Variants in WDR41 observed in about 807,000 individuals in gnomAD.
WDR41 encodes the protein WD repeat-containing protein 41.
A neutral mutation model predicts 69.3 loss-of-function variants in WDR41; 63 were observed. The observed-to-expected ratio is 0.91, with a 90% CI of 0.74 to 1.12. The LOEUF (loss-of-function observed/expected upper bound fraction) is 1.12, where lower values mean the gene tolerates loss of function less well. Ranked by LOEUF, WDR41 falls within the 50% of genes most tolerant of loss-of-function variation. The pLI is 0.00. For missense variants in WDR41, 543 were observed against 534.5 expected (o/e 1.02, Z -0.16); for synonymous variants, 185 against 192.1 (o/e 0.96, Z 0.31).
chr5:77,432,987 T>C lies in WDR41; in HGVS notation c.*148A>G, dbSNP rs1798784502. On this transcript the variant is annotated 3_prime_UTR_variant, in exon 13 of 13. Transcript: ENST00000296679. ...TGAGAAGCAACATGTTCCTGGTTGGTAGGTCCACAAAAAATTTAAACATGT... is the reference window on the plus strand; with the variant it reads ...TGAGAAGCAACATGTTCCTGGTTGGCAGGTCCACAAAAAATTTAAACATGT... 1.3e-6 allele frequency: 1 copy of C among 777,446 alleles called. No homozygotes were observed. The highest frequency in any genetic ancestry group is 1.8e-5 in the African/African-American group (1 of 56,120). 48.2% of individuals were successfully genotyped at this position (777,446 alleles called of 1,614,324 possible).
intron 1 of WDR41, among the ~76,000 whole-genome samples, chr5:77,498,016 C>G (rs1318237326): frequency 6.6e-6 from 1 of 151,936 alleles, no homozygotes; most frequent in Non-Finnish European, 1.5e-5. Flanking sequence ...TGTATGATTC[C>G]ACTATTATGA....
At chr5:77,495,647 A>C (rs1237902054), upstream of WDR41, among the ~76,000 whole-genome samples, 1 of 152,072 alleles carries the variant, frequency 6.6e-6, no homozygotes, top group Non-Finnish European at 1.5e-5. Context: ...AAAAAAGTGA[A>C]GTCCTGGACC....
At chr5:77,490,898 CG>C (rs1244093445) in intron 1 of WDR41, among the ~76,000 whole-genome samples, 1 of 152,146 alleles carries the variant, frequency 6.6e-6, no homozygotes, top group African/African-American at 2.4e-5. Context: ...CAAAGACATG[CG>C]GAAGTTAAAA....
intron 1 of WDR41, among the ~76,000 whole-genome samples, chr5:77,501,894 G>A (rs1227400001): frequency 6.6e-6 from 1 of 152,158 alleles, no homozygotes; most frequent in Non-Finnish European, 1.5e-5. Flanking sequence ...AAGAGCAAAG[G>A]TAGATTAAAA....
At chr5:77,511,199 C>T (rs943800411) in intron 1 of WDR41, among the ~76,000 whole-genome samples, 1 of 152,166 alleles carries the variant, frequency 6.6e-6, no homozygotes, top group African/African-American at 2.4e-5. Flanking sequence ...TTAAAGCTTT[C>T]TCTTACTTTC....
At chr5:77,467,921 C>T (rs1417843182) in intron 2 of WDR41, among the ~76,000 whole-genome samples, 2 of 151,780 alleles carry the variant, frequency 1.3e-5, no homozygotes, top group Admixed American at 6.6e-5. Context: ...CAATTCTTAT[C>T]CATATACTTC....
At chr5:77,453,437 T>C (rs1331317942) in intron 6 of WDR41, among the ~76,000 whole-genome samples, 3 of 152,230 alleles carry the variant, frequency 2.0e-5, no homozygotes, top group Admixed American at 2.0e-4. Context: ...CTTGCACATG[T>C]ATGATCTTTT....
chr5:77,517,050 T>C (rs569070530), intron 1 of WDR41, among the ~76,000 whole-genome samples: 1 of 146,370 alleles, frequency 6.8e-6, no homozygotes, highest in Non-Finnish European at 1.5e-5. Context: ...AAAGAAAAAA[T>C]AAAATAAAAG....
At chr5:77,447,828 G>T (rs1224656080) in intron 8 of WDR41, among the ~76,000 whole-genome samples, 4 of 152,110 alleles carry the variant, frequency 2.6e-5, no homozygotes, top group Non-Finnish European at 5.9e-5. Flanking sequence ...CATGGCACAC[G>T]TATACCTATG....
chr5:77,437,728 C>A (rs1343396261), intron 10 of WDR41, among the ~76,000 whole-genome samples: 1 of 152,170 alleles, frequency 6.6e-6, no homozygotes, highest in African/African-American at 2.4e-5. Flanking sequence ...CTTCCCTCCT[C>A]TTGCTACCTC....
chr5:77,538,789 G>A (rs62362536), intron 1 of WDR41, among the ~76,000 whole-genome samples: 12 of 152,156 alleles, frequency 7.9e-5, no homozygotes, highest in South Asian at 2.1e-4. Context: ...CTATGTGCCC[G>A]TAATGAAATC....
intron 1 of WDR41, among the ~76,000 whole-genome samples, chr5:77,531,615 A>G (rs1290006436): frequency 3.3e-5 from 5 of 151,992 alleles, no homozygotes; most frequent in African/African-American, 1.2e-4. Context: ...TAGAATTACC[A>G]TATGCCCCCA....
chr5:77,610,629 C>A (rs528484391), intron 1 of WDR41, among the ~76,000 whole-genome samples: 2 of 152,200 alleles, frequency 1.3e-5, no homozygotes, highest in East Asian at 3.9e-4. Context: ...ACCACCAGGC[C>A]TGCCCTAAAA....
At chr5:77,520,071 C>T (rs908311735) in intron 1 of WDR41, among the ~76,000 whole-genome samples, 51 of 152,012 alleles carry the variant, frequency 3.4e-4, no homozygotes, top group African/African-American at 1.0e-3. Context: ...CAATTAGAGA[C>T]CTAACATTCA....
chr5:77,480,700 G>A (rs1387484558), intron 2 of WDR41, among the ~76,000 whole-genome samples: 1 of 151,116 alleles, frequency 6.6e-6, no homozygotes, highest in African/African-American at 2.4e-5. Context: ...GGGAGGGATA[G>A]CACTGGGAGA....
chr5:77,558,779 A>T (rs1460923105), intron 1 of WDR41, among the ~76,000 whole-genome samples: 1 of 152,236 alleles, frequency 6.6e-6, no homozygotes, highest in Non-Finnish European at 1.5e-5. Context: ...TCTTAAACTC[A>T]GCAATAAGTT....
intron 1 of WDR41, among the ~76,000 whole-genome samples, chr5:77,586,685 T>C (rs143427652): frequency 1.3e-5 from 2 of 151,550 alleles, no homozygotes; most frequent in African/African-American, 4.9e-5. Flanking sequence ...GAAACATGCA[T>C]GAAATCAAAT....
At chr5:77,601,396 G>C (rs1580046141) in intron 1 of WDR41, among the ~76,000 whole-genome samples, 1 of 152,080 alleles carries the variant, frequency 6.6e-6, no homozygotes, top group African/African-American at 2.4e-5. Flanking sequence ...ACTTTCTAGA[G>C]GGATAATAGC....
At chr5:77,501,863 A>C (rs1581775802) in intron 1 of WDR41, among the ~76,000 whole-genome samples, 3 of 152,316 alleles carry the variant, frequency 2.0e-5, no homozygotes, top group Middle Eastern at 6.8e-3. Flanking sequence ...TCTACACCCC[A>C]TTGGTAGGTC....
Sources: gnomAD v4.1 joint callset for allele counts (sites outside exome capture counted in the v4.1 genomes callset) on GRCh38, gnomAD v4.1.1 for gene constraint, MANE v1.5 for transcripts, NCBI Gene and HGNC (gene_info 2026-07-23, HGNC 2026-07-21) for gene names.